The following METTL22 variants were observed in gnomAD, a reference collection of about 807,000 sequenced individuals.
METTL22 encodes methyltransferase 22, Kin17 lysine.
METTL22 carries 51 observed loss-of-function variants against 48.4 expected under a neutral mutation model. The ratio of observed to expected loss-of-function variants is 1.05; its 90% CI spans 0.84 to 1.33. METTL22 has a LOEUF of 1.33. Among genes scored for constraint, METTL22 ranks in the 40% most tolerant of loss-of-function variants. METTL22 has a pLI of 0.00. For missense variants in METTL22, 678 were observed against 526.9 expected, an observed-to-expected ratio of 1.29 and a Z score of -2.81; for synonymous variants, 255 against 214.1, an observed-to-expected ratio of 1.19 and a Z score of -1.67.
At chr16:8,663,905 C>A in the METTL22 span, among the ~76,000 whole-genome samples, 1 of 152,050 alleles carries the variant, frequency 6.6e-6, no homozygotes, top group Non-Finnish European at 1.5e-5. Context: ...CATTGTAGAG[C>A]ATTCAGCAGT....
At chr16:8,652,587 G>A (rs2056915287), downstream of METTL22, among the ~76,000 whole-genome samples, 1 of 151,918 alleles carries the variant, frequency 6.6e-6, no homozygotes, top group African/African-American at 2.4e-5. Context: ...GGGAGGCCGA[G>A]GTAGGAGGAT....
In METTL22 at chr16:8,627,915, T is replaced by A. The variant is rs989606856; in HGVS notation, c.134-815T>A. 6.6e-5 allele frequency among the ~76,000 whole-genome samples: 10 copies of A among 152,262 alleles called. 1 individual carries two copies. Among genetic ancestry groups the A allele is most frequent in the African/African-American group, 2.4e-4 (10 of 41,550 alleles). The stretch of plus-strand genomic sequence containing the variant: ...GCACATGCCACCATACCTGGATAAT[T>A]TTTTTGTAGAGAAGGGGATTTACCA... On this transcript the variant is annotated intron_variant, in intron 2 of 10. Coordinates refer to ENST00000381920, the MANE Select transcript of METTL22 (RefSeq NM_024109.4).
downstream of METTL22, among the ~76,000 whole-genome samples, chr16:8,650,038 ACT>A (rs1343928765): frequency 2.0e-5 from 3 of 151,858 alleles, no homozygotes; most frequent in Admixed American, 2.0e-4. Context: ...AAGAGCACAA[ACT>A]CTGGGTTGGA....
At chr16:8,634,174 C>A (rs1459784645) in intron 3 of METTL22, among the ~76,000 whole-genome samples, 1 of 152,242 alleles carries the variant, frequency 6.6e-6, no homozygotes, top group Non-Finnish European at 1.5e-5. Flanking sequence ...GGGCTGAAAT[C>A]TTTGGCCAGA....
chr16:8,633,159 C>A (rs1216283520), intron 3 of METTL22, among the ~76,000 whole-genome samples: 2 of 152,022 alleles, frequency 1.3e-5, no homozygotes, highest in Non-Finnish European at 2.9e-5. Context: ...CCACAGACAC[C>A]CCTTCCCCTC....
At chr16:8,643,831 C>T (rs186422743) in intron 9 of METTL22, among the ~76,000 whole-genome samples, 1 of 152,268 alleles carries the variant, frequency 6.6e-6, no homozygotes, top group African/African-American at 2.4e-5. Context: ...CCAGGCTGGT[C>T]TCAAACTCCT....
At chr16:8,632,392 T>A (rs1357929324) in intron 3 of METTL22, among the ~76,000 whole-genome samples, 1 of 152,198 alleles carries the variant, frequency 6.6e-6, no homozygotes, top group Non-Finnish European at 1.5e-5. Flanking sequence ...AAAATATGGG[T>A]CTCACTTTGC....
intron 2 of METTL22, among the ~76,000 whole-genome samples, chr16:8,628,515 C>A (rs1285785297): frequency 6.6e-6 from 1 of 151,928 alleles, no homozygotes; most frequent in Non-Finnish European, 1.5e-5. Flanking sequence ...CATAGATTCT[C>A]ATGAAATGGC....
rs1443337613 is a variant in METTL22, at chr16:8,628,904, G to A, written c.308G>A (p.Gly103Glu). 1 of 1,613,958 alleles carries A rather than the reference G, an allele frequency of 6.2e-7. No homozygotes were observed. The highest frequency in any genetic ancestry group is 8.5e-7 in the Non-Finnish European group (1 of 1,180,006). Residue 103 changes from glycine to glutamate, a missense_variant, in exon 3 of 11, where the codon GGG (glycine) becomes GAG (glutamate). Gly to Glu is a moderately conservative substitution (Grantham distance 98). Coordinates refer to ENST00000381920, the MANE Select transcript of METTL22 (RefSeq NM_024109.4). Reference protein sequence around the residue: ...HGNEGFSLQAGTDTTGQEVAE... With the variant: ...HGNEGFSLQAETDTTGQEVAE... ...AATGAGGGTTTCTCCCTCCAGGCCG[G>A]GACTGACACCACTGGCCAGGAAGTG...
intron 3 of METTL22, among the ~76,000 whole-genome samples, chr16:8,629,881 G>C (rs189570935): frequency 4.2e-4 from 64 of 152,216 alleles, no homozygotes; most frequent in African/African-American, 1.5e-3. Context: ...CACTAGTATC[G>C]AGTGGCCTAG....
the METTL22 span, among the ~76,000 whole-genome samples, chr16:8,660,859 AGAG>A: frequency 1.9e-3 from 3 of 1,562 alleles, no homozygotes; most frequent in Admixed American, 8.3e-3. Flanking sequence ...GGGAGGAGGA[AGAG>A]GAGGAGGAGG....
intron 2 of METTL22, among the ~76,000 whole-genome samples, chr16:8,626,531 C>T (rs546231909): frequency 6.6e-6 from 1 of 151,210 alleles, no homozygotes; most frequent in Non-Finnish European, 1.5e-5. Flanking sequence ...TCACTGCAAC[C>T]TCCGCCTCCC....
chr16:8,657,246 C>G, the METTL22 span, among the ~76,000 whole-genome samples: 1 of 152,162 alleles, frequency 6.6e-6, no homozygotes, highest in African/African-American at 2.4e-5. Flanking sequence ...TTGAACCACA[C>G]CATCATGCCC....
rs1402567476 is a variant in METTL22 at position 8,646,342 on chromosome 16, C to G, written c.*199C>G. Reference sequence around the variant, plus strand: ...AGCCAGAGAAGGTTGTTGCTGTGGGCTGGAGGTCACTTTAGTTGCCTGTTT... The same window carrying G: ...AGCCAGAGAAGGTTGTTGCTGTGGGGTGGAGGTCACTTTAGTTGCCTGTTT... On this transcript the variant is annotated 3_prime_UTR_variant, in exon 11 of 11. Transcript: ENST00000381920. 1.8e-5 allele frequency: 13 copies of G among 741,838 alleles called. No individual in the cohort carries two copies. Among genetic ancestry groups the G allele is most frequent in the Non-Finnish European group, 2.8e-5 (12 of 421,516 alleles). The allele number at this position is 741,838 out of a possible 1,614,324, so 46.0% of individuals were successfully genotyped here.
the METTL22 span, among the ~76,000 whole-genome samples, chr16:8,664,478 G>C: frequency 6.6e-6 from 1 of 151,448 alleles, no homozygotes; most frequent in African/African-American, 2.4e-5. Context: ...TTTTGAGATG[G>C]GGTCTTGCTC....
chr16:8,646,216 A>G lies in METTL22; in HGVS notation c.*73A>G. 6.4e-7 allele frequency: 1 copy of G among 1,559,546 alleles called. No individual in the cohort carries two copies. Among genetic ancestry groups the G allele is most frequent in the Non-Finnish European group, 8.8e-7 (1 of 1,131,418 alleles). On this transcript the variant is annotated 3_prime_UTR_variant, in exon 11 of 11. Coordinates refer to ENST00000381920, the MANE Select transcript of METTL22 (RefSeq NM_024109.4). ...TTTCTAGTAAAATCAGAAGCTCACCAAAGCAACATGCTTGAGATTTTGTCA... is the reference window on the plus strand; with the variant it reads ...TTTCTAGTAAAATCAGAAGCTCACCGAAGCAACATGCTTGAGATTTTGTCA...
intron 5 of METTL22, among the ~76,000 whole-genome samples, chr16:8,638,060 T>C (rs1000717953): frequency 6.6e-6 from 1 of 151,834 alleles, no homozygotes; most frequent in Admixed American, 6.6e-5. Context: ...GGCAGGAGAA[T>C]TGCTTGAACC....
Position 8,649,313 on chromosome 16 carries a change from C to G in METTL22, c.*3170C>G, listed in dbSNP as rs769883749. 6.6e-6 allele frequency: 1 copy of G among 152,084 alleles called. No homozygotes were observed. Among genetic ancestry groups the G allele is most frequent in the African/African-American group, 2.4e-5 (1 of 41,390 alleles). The allele number at this position is 152,084 out of a possible 1,614,324, so 9.4% of individuals were successfully genotyped here. A position where few individuals can be genotyped will look rare whatever the true frequency, so the allele number is the denominator to read the frequency against. On this transcript the variant is annotated 3_prime_UTR_variant, in exon 11 of 11. Transcript: ENST00000381920. ...CGCCCCCATTGCCATGTTTTATGGC[C>G]TTGTTTGAGCCTCTACAAGTGCTTG...
chr16:8,652,087 C>T (rs763490576), downstream of METTL22, among the ~76,000 whole-genome samples: 22 of 152,306 alleles, frequency 1.4e-4, no homozygotes, highest in Middle Eastern at 3.4e-3. Context: ...TCCACTTCCA[C>T]GGGCTGCCAG....
Sources: allele counts gnomAD v4.1 joint callset (sites outside exome capture counted in the v4.1 genomes callset), GRCh38; gene constraint gnomAD v4.1.1; transcripts MANE v1.5; gene names NCBI Gene and HGNC (gene_info 2026-07-23, HGNC 2026-07-21).